Variants in CCDC25 observed in about 807,000 individuals in gnomAD.
CCDC25 encodes the protein coiled-coil domain-containing protein 25.
Under a neutral mutation model 35.3 loss-of-function variants are expected in CCDC25, and 16 were observed. The observed-to-expected ratio is 0.45, with a 90% confidence interval of 0.31 to 0.69. CCDC25 has a LOEUF of 0.69. Among genes scored for constraint, CCDC25 ranks in the 30% least tolerant of loss-of-function variants. CCDC25 has a pLI of 0.06. For missense variants in CCDC25, 179 were observed against 250.7 expected, an observed-to-expected ratio of 0.71 and a Z score of 1.93; for synonymous variants, 79 against 80.3, an observed-to-expected ratio of 0.98 and a Z score of 0.09.
chr8:27,746,266 G>A (rs145255519), intron 7 of CCDC25, among the ~76,000 whole-genome samples: 1 of 152,304 alleles, frequency 6.6e-6, no homozygotes, highest in Non-Finnish European at 1.5e-5. Context: ...AGCCAAATGA[G>A]CTTATAACAA....
At chr8:27,744,321 T>C (rs1382303746) in intron 7 of CCDC25, among the ~76,000 whole-genome samples, 2 of 152,156 alleles carry the variant, frequency 1.3e-5, no homozygotes, top group African/African-American at 4.8e-5. Context: ...GACGTATGAC[T>C]AGTCACTCAC....
rs1804492338 is a variant in CCDC25, at chr8:27,768,855, A to T, written c.29-3604T>A. ...GATGATATTAACAGGTATTAAAAGT[A>T]CAAGTGGACTTTGAGCCAAGTATCT... On this transcript the variant is annotated intron_variant, in intron 1 of 8. Transcript: ENST00000356537. 1.3e-5 allele frequency among the ~76,000 whole-genome samples: 2 copies of T among 152,236 alleles called. 1 individual carries two copies. Among genetic ancestry groups the T allele is most frequent in the Admixed American group, 1.3e-4 (2 of 15,288 alleles).
At chr8:27,742,825 C>T (rs945125816) in intron 7 of CCDC25, among the ~76,000 whole-genome samples, 1 of 152,156 alleles carries the variant, frequency 6.6e-6, no homozygotes, top group Non-Finnish European at 1.5e-5. Context: ...CGAGATCGTG[C>T]CACTGCACTC....
rs369502557 is a variant in CCDC25, at chr8:27,748,070, G to C, written c.551+7C>G. 1.2e-6 allele frequency: 2 copies of C among 1,610,776 alleles called. No homozygotes were observed. Among genetic ancestry groups the C allele is most frequent in the East Asian group, 4.5e-5 (2 of 44,868 alleles). On this transcript the variant is annotated splice_region_variant and intron_variant, in intron 7 of 8. Coordinates refer to ENST00000356537, the MANE Select transcript of CCDC25 (RefSeq NM_018246.3). Reference sequence around the variant, plus strand: ...AGGTCAGTCTCAATGCCACAGCTCCGACATACCTAAGTTCATCCATTTCCC... The same window carrying C: ...AGGTCAGTCTCAATGCCACAGCTCCCACATACCTAAGTTCATCCATTTCCC...
At chr8:27,762,364 A>G (rs1014637670) in intron 3 of CCDC25, 55 bp downstream of exon 3, 1 of 1,502,588 alleles carries the variant, frequency 6.7e-7, no homozygotes, top group African/African-American at 1.4e-5. Flanking sequence ...TGCTTGGCCA[A>G]GTCTAAGAAA....
intron 2 of CCDC25, among the ~76,000 whole-genome samples, chr8:27,762,938 T>A (rs1306200394): frequency 6.6e-6 from 1 of 152,106 alleles, no homozygotes. Flanking sequence ...TTAAATTCTA[T>A]CACACATGGA....
At chr8:27,751,910 A>G (rs1803824399) in intron 5 of CCDC25, among the ~76,000 whole-genome samples, 1 of 152,178 alleles carries the variant, frequency 6.6e-6, no homozygotes, top group Non-Finnish European at 1.5e-5. Context: ...CAGGAGAATC[A>G]CCCAGAGAGC....
Position 27,736,129 on chromosome 8 carries a change from TA to T in CCDC25, c.*86del. On this transcript the variant is annotated 3_prime_UTR_variant, in exon 9 of 9. Coordinates refer to ENST00000356537, the MANE Select transcript of CCDC25 (RefSeq NM_018246.3). Reference sequence around the variant, plus strand: ...TGAAGGTAGAATTTTGGTTGTATTTTATATTTCAGAACACAGATGAAACCAA... The same window carrying T: ...TGAAGGTAGAATTTTGGTTGTATTTTTATTTCAGAACACAGATGAAACCAA... 1 of 1,288,608 alleles carries T rather than the reference TA, an allele frequency of 7.8e-7. No individual in the cohort carries two copies. Among genetic ancestry groups the T allele is most frequent in the Non-Finnish European group, 1.1e-6 (1 of 921,486 alleles). The allele number at this position is 1,288,608 out of a possible 1,614,324, so 79.8% of individuals were successfully genotyped here.
chr8:27,768,564 CAA>C (rs368194540), intron 1 of CCDC25, among the ~76,000 whole-genome samples: 6 of 106,586 alleles, frequency 5.6e-5, no homozygotes, highest in Admixed American at 9.7e-5. Flanking sequence ...GACTCCATCT[CAA>C]AAAAAAAAAA....
chr8:27,752,712 G>A, intron 4 of CCDC25, 125 bp from the exon 5 acceptor site: 1 of 569,192 alleles, frequency 1.8e-6, no homozygotes, highest in East Asian at 3.2e-5. Flanking sequence ...TTCTTCAACT[G>A]TTACAGAACA....
intron 2 of CCDC25, chr8:27,764,385 C>T: frequency 3.5e-6 from 1 of 282,464 alleles, no homozygotes; most frequent in South Asian, 2.8e-5. Flanking sequence ...CTTCCTGCCT[C>T]AGCCTCCAGA....
intron 7 of CCDC25, among the ~76,000 whole-genome samples, chr8:27,746,654 T>C (rs1803613510): frequency 6.6e-6 from 1 of 152,242 alleles, no homozygotes; most frequent in Non-Finnish European, 1.5e-5. Flanking sequence ...TAATACCGTT[T>C]CTTTCACTTC....
intron 4 of CCDC25, chr8:27,756,425 G>A: frequency 3.4e-6 from 1 of 298,078 alleles, no homozygotes; most frequent in Non-Finnish European, 6.3e-6. Flanking sequence ...GTCTGGGAGT[G>A]TCAACTGAAT....
chr8:27,748,085 A>C lies in CCDC25; in HGVS notation c.543T>G (p.Asp181Glu). 1 of 1,611,280 alleles carries C rather than the reference A, an allele frequency of 6.2e-7. No homozygotes were observed. The highest frequency in any genetic ancestry group is 8.5e-7 in the Non-Finnish European group (1 of 1,179,268). The change falls in exon 7 of 9, where the codon GAT (aspartate) becomes GAG (glutamate). Residue 181 changes from aspartate to glutamate, a missense_variant. By Grantham distance (45) the Asp-to-Glu change is conservative. Transcript: ENST00000356537. The stretch of plus-strand genomic sequence containing the variant: ...CCACAGCTCCGACATACCTAAGTTC[A>C]TCCATTTCCCTCTTCTTCTTCATTT... ...KEEMKKKREM[D>E]ELRSYSSLMK...
At chr8:27,768,775 A>G (rs759604324) in intron 1 of CCDC25, among the ~76,000 whole-genome samples, 1 of 152,210 alleles carries the variant, frequency 6.6e-6, no homozygotes, top group African/African-American at 2.4e-5. Context: ...AACCAACCCA[A>G]CTTCAGAGGT....
rs138326460 is a variant in CCDC25, at chr8:27,762,043, C to T, written c.116+376G>A. 7.9e-3 allele frequency among the ~76,000 whole-genome samples: 1,206 copies of T among 152,216 alleles called. 15 individuals carry two copies. The highest frequency in any genetic ancestry group is 0.028 in the African/African-American group (1,142 of 41,520). On this transcript the variant is annotated intron_variant, in intron 3 of 8. Transcript: ENST00000356537. ...TTAAAGCTGGACCAGTAAGAACCTC[C>T]GTCTATTCCATCCGCATGGATGCTT...
chr8:27,754,681 A>G (rs1025400557), intron 4 of CCDC25: 1 of 152,072 alleles, frequency 6.6e-6, no homozygotes, highest in Non-Finnish European at 1.5e-5. Flanking sequence ...TATTTTCTGT[A>G]GTGACAGGGT....
At chr8:27,739,570 T>C (rs1422812526) in intron 8 of CCDC25, among the ~76,000 whole-genome samples, 3 of 152,086 alleles carry the variant, frequency 2.0e-5, no homozygotes, top group Admixed American at 6.5e-5. Flanking sequence ...ACTATTTACA[T>C]AGCATTTACA....
rs1438611689 is a variant in CCDC25 at position 27,734,410 on chromosome 8, A to G, written c.*1806T>C. On this transcript the variant is annotated 3_prime_UTR_variant, in exon 9 of 9. Coordinates refer to ENST00000356537, the MANE Select transcript of CCDC25 (RefSeq NM_018246.3). ...CAACAATTTCGAATTCTCCTATCCA[A>G]CGTTTAGGAAACAATCCAATGGCAA... is the stretch of plus-strand genomic sequence containing the variant. 2.0e-5 allele frequency: 3 copies of G among 152,206 alleles called. No homozygotes were observed. Among genetic ancestry groups the G allele is most frequent in the South Asian group, 2.1e-4 (1 of 4,822 alleles). 9.4% of individuals were successfully genotyped at this position (152,206 alleles called of 1,614,324 possible).
Sources: allele counts gnomAD v4.1 joint callset (sites outside exome capture counted in the v4.1 genomes callset), GRCh38; gene constraint gnomAD v4.1.1; transcripts MANE v1.5; gene names NCBI Gene and HGNC (gene_info 2026-07-23, HGNC 2026-07-21).